Variants in FBXW8 observed in about 807,000 individuals in gnomAD.
FBXW8 encodes the protein F-box/WD repeat-containing protein 8.
Under a neutral mutation model 65.3 loss-of-function variants are expected in FBXW8, and 57 were observed. The observed-to-expected ratio is 0.87, with a 90% CI of 0.71 to 1.09. The LOEUF (loss-of-function observed/expected upper bound fraction) is 1.09, where lower values mean the gene tolerates loss of function less well. Among genes scored for constraint, FBXW8 ranks in the 50% least tolerant of loss-of-function variants. FBXW8 has a pLI of 0.00. For missense variants in FBXW8, 777 were observed against 814.8 expected (o/e 0.95, Z 0.57); for synonymous variants, 308 against 330.2 (o/e 0.93, Z 0.73).
At chr12:117,019,292 C>A (rs1460675646) in intron 8 of FBXW8, among the ~76,000 whole-genome samples, 1 of 152,210 alleles carries the variant, frequency 6.6e-6, no homozygotes, top group Non-Finnish European at 1.5e-5. Flanking sequence ...TTGGATCTAG[C>A]AGACCTCTTC....
chr12:116,917,083 A>G (rs1880486360), intron 1 of FBXW8, among the ~76,000 whole-genome samples: 1 of 152,128 alleles, frequency 6.6e-6, no homozygotes, highest in African/African-American at 2.4e-5. Context: ...TGTTATTCTC[A>G]TGTGGCCAAG....
intron 3 of FBXW8, among the ~76,000 whole-genome samples, chr12:116,947,621 T>G (rs908469248): frequency 1.3e-5 from 2 of 150,632 alleles, no homozygotes; most frequent in African/African-American, 4.9e-5. Context: ...ACACCTGTAG[T>G]CCCAGCTACT....
intron 1 of FBXW8, among the ~76,000 whole-genome samples, chr12:116,912,714 C>T (rs11609970): frequency 0.67 from 102,120 of 151,886 alleles, 38,423 homozygotes; most frequent in Non-Finnish European, 0.82. Flanking sequence ...CCGCCCGCCT[C>T]GGCCTCCCTA....
rs532298506 is a variant in FBXW8 at position 116,987,761 on chromosome 12, A to G, written c.1033-902A>G. Among the ~76,000 whole-genome samples, 13 of 152,328 alleles carry G rather than the reference A, an allele frequency of 8.5e-5. No homozygotes were observed. The South Asian group carries it at 1.9e-3, about 22-fold the overall frequency. ...CCAACCTTTTATTTTTTGAATTGCTATTACATCCCCATGGTTCAGAATTTA... is the reference window on the plus strand; with the variant it reads ...CCAACCTTTTATTTTTTGAATTGCTGTTACATCCCCATGGTTCAGAATTTA... On this transcript the variant is annotated intron_variant, in intron 6 of 10. Transcript: ENST00000652555.
At chr12:116,942,025 G>T (rs1205534741) in intron 2 of FBXW8, among the ~76,000 whole-genome samples, 1 of 151,910 alleles carries the variant, frequency 6.6e-6, no homozygotes, top group Non-Finnish European at 1.5e-5. Flanking sequence ...TTTTGGTTTT[G>T]CTTTGTTGTT....
chr12:116,915,928 G>A (rs1880373578), intron 1 of FBXW8, among the ~76,000 whole-genome samples: 1 of 151,856 alleles, frequency 6.6e-6, no homozygotes, highest in South Asian at 2.1e-4. Flanking sequence ...TGGAACTACA[G>A]GTGTGAGCCT....
chr12:116,949,458 A>C (rs557411603), intron 3 of FBXW8, 160 bp from the exon 4 acceptor site: 2 of 653,712 alleles, frequency 3.1e-6, no homozygotes, highest in South Asian at 3.5e-5. Context: ...TTAGCATGTT[A>C]GTCATCATCT....
chr12:116,990,187 C>T (rs761515903), intron 7 of FBXW8, among the ~76,000 whole-genome samples: 4 of 152,202 alleles, frequency 2.6e-5, no homozygotes, highest in African/African-American at 4.8e-5. Context: ...AAGCGGTAGA[C>T]GATATGTGTG....
intron 7 of FBXW8, among the ~76,000 whole-genome samples, chr12:117,005,483 C>T (rs920105141): frequency 7.5e-4 from 114 of 152,160 alleles, no homozygotes; most frequent in African/African-American, 2.2e-3. Flanking sequence ...TAGTGTGATG[C>T]GGTGTGGTGC....
Position 116,949,856 on chromosome 12 carries a change from A to T in FBXW8, c.677+150A>T, listed in dbSNP as rs915478087. 12 of 735,786 alleles carry T rather than the reference A, an allele frequency of 1.6e-5. No individual in the cohort carries two copies. The Admixed American group carries it at 2.5e-4, about 15-fold the overall frequency. The allele number at this position is 735,786 out of a possible 1,614,324, so 45.6% of individuals were successfully genotyped here. A position where few individuals can be genotyped will look rare whatever the true frequency, so the allele number is the denominator to read the frequency against. On this transcript the variant is annotated intron_variant, in intron 4 of 10. Transcript: ENST00000652555. ...ATGTGGAAGAGGGAGAGTCTCCGTG[A>T]TTCTGTTCCCAAGGACGTGAGAGCG...
At position 116,988,654 on chromosome 12, in the gene FBXW8, T is replaced by A. The variant is rs777128618; in HGVS notation, c.1033-9T>A. ...TTTATGGGACTAAACAACTCTTACCTTTTAACAGGTTCAGTACCTTGAAAT... is the reference window on the plus strand; with the variant it reads ...TTTATGGGACTAAACAACTCTTACCATTTAACAGGTTCAGTACCTTGAAAT... On this transcript the variant is annotated splice_polypyrimidine_tract_variant and intron_variant, in intron 6 of 10. Coordinates refer to ENST00000652555, the MANE Select transcript of FBXW8 (RefSeq NM_153348.3). 6.2e-7 allele frequency: 1 copy of A among 1,613,758 alleles called. No individual in the cohort carries two copies. Among genetic ancestry groups the A allele is most frequent in the Non-Finnish European group, 8.5e-7 (1 of 1,179,682 alleles).
intron 4 of FBXW8, among the ~76,000 whole-genome samples, chr12:116,952,212 A>G (rs1215645123): frequency 6.6e-6 from 1 of 152,198 alleles, no homozygotes; most frequent in Non-Finnish European, 1.5e-5. Context: ...TTGGCCATTC[A>G]TGTACCCTAG....
At chr12:116,959,806 C>T (rs1231646652) in intron 4 of FBXW8, among the ~76,000 whole-genome samples, 1 of 152,198 alleles carries the variant, frequency 6.6e-6, no homozygotes, top group Non-Finnish European at 1.5e-5. Flanking sequence ...GCTATGGTCT[C>T]TGACCTATTT....
intron 7 of FBXW8, among the ~76,000 whole-genome samples, chr12:116,991,735 T>C (rs1212679993): frequency 6.6e-6 from 1 of 152,230 alleles, no homozygotes; most frequent in African/African-American, 2.4e-5. Context: ...GATACAAAAC[T>C]GGGATTTAGC....
At chr12:116,937,952 G>T (rs1882281666) in intron 2 of FBXW8, among the ~76,000 whole-genome samples, 2 of 151,956 alleles carry the variant, frequency 1.3e-5, no homozygotes, top group African/African-American at 4.8e-5. Context: ...TCACTCGGTG[G>T]GGCTTTACTG....
At chr12:116,965,700 T>C (rs1046369511) in intron 5 of FBXW8, among the ~76,000 whole-genome samples, 18 of 152,202 alleles carry the variant, frequency 1.2e-4, no homozygotes, top group African/African-American at 4.3e-4. Flanking sequence ...AAGTAGCTAA[T>C]GGGGAATTTT....
At chr12:116,969,645 C>G (rs1316406156) in intron 5 of FBXW8, among the ~76,000 whole-genome samples, 3 of 151,540 alleles carry the variant, frequency 2.0e-5, no homozygotes, top group Non-Finnish European at 4.4e-5. Context: ...TAATGAACTT[C>G]AGTTCTCTGG....
intron 4 of FBXW8, among the ~76,000 whole-genome samples, chr12:116,955,822 A>G (rs564878395): frequency 6.6e-6 from 1 of 152,216 alleles, no homozygotes; most frequent in South Asian, 2.1e-4. Context: ...ACAGTATAAA[A>G]CCTGAGGTGC....
chr12:116,919,200 G>C (rs1382939701), intron 1 of FBXW8, among the ~76,000 whole-genome samples: 3 of 152,188 alleles, frequency 2.0e-5, no homozygotes, highest in African/African-American at 7.2e-5. Context: ...TCAGCTCAGT[G>C]CTGGGGAATC....
Sources: gnomAD v4.1 joint callset for allele counts (sites outside exome capture counted in the v4.1 genomes callset) on GRCh38, gnomAD v4.1.1 for gene constraint, MANE v1.5 for transcripts, NCBI Gene and HGNC (gene_info 2026-07-23, HGNC 2026-07-21) for gene names.